Variants in HRG observed in about 807,000 individuals in gnomAD.
The protein encoded by HRG is histidine rich glycoprotein, also known as histidine-rich glycoprotein.
In HRG, 26 loss-of-function variants were observed where a neutral mutation model predicts 29.5. The observed-to-expected ratio is 0.88, with a 90% CI of 0.65 to 1.22. The LOEUF is 1.22. Ranked by LOEUF, HRG falls within the 50% of genes most tolerant of loss-of-function variation. HRG has a pLI of 0.00. For synonymous variants in HRG, 243 were observed against 240.4 expected (o/e 1.01, Z -0.10); for missense variants, 671 against 654.5 (o/e 1.03, Z -0.28).
At chr3:186,669,509 C>T (rs988609755) in intron 2 of HRG, 1 of 344,474 alleles carries the variant, frequency 2.9e-6, no homozygotes, top group Non-Finnish European at 5.6e-6. Context: ...TGCTCAGCAC[C>T]TAGGATATAC....
intron 6 of HRG, among the ~76,000 whole-genome samples, chr3:186,676,097 G>A (rs1019816259): frequency 4.6e-5 from 7 of 151,922 alleles, no homozygotes; most frequent in Non-Finnish European, 1.0e-4. Flanking sequence ...TCAAACTCCT[G>A]ACCTTAGGTG....
rs770991173 is a variant in HRG, at chr3:186,671,644, C to T, written c.413C>T (p.Thr138Ile). The T allele has an allele frequency of 2.5e-6, 4 of 1,614,034 alleles. No homozygotes were observed. The South Asian group carries it at 3.3e-5, about 13-fold the overall frequency. ...CCAGTCTCTTCAGCACTGGCCAATA[C>T]CAAAGATAGTCCGGTCCTCATAGAT... ...TSSVSSALANTKDSPVLIDFF... is the reference protein window; with the variant it reads ...TSSVSSALANIKDSPVLIDFF... The change falls in exon 4 of 7, where the codon ACC becomes ATC. Residue 138 changes from threonine (T) to isoleucine (I), a missense_variant. Transcript: ENST00000232003.
At chr3:186,670,317 C>T (rs904218631) in intron 3 of HRG, among the ~76,000 whole-genome samples, 1 of 152,052 alleles carries the variant, frequency 6.6e-6, no homozygotes, top group African/African-American at 2.4e-5. Flanking sequence ...TAGATATAGG[C>T]TTTGGAGTCA....
intron 3 of HRG, 136 bp from the exon 4 acceptor site, chr3:186,671,487 A>T (rs528308679): frequency 2.2e-5 from 19 of 882,354 alleles, no homozygotes; most frequent in East Asian, 2.0e-4. Context: ...TGGCTGATTG[A>T]TCTTGAAGCA....
chr3:186,666,134 C>A lies in HRG; in HGVS notation c.103C>A (p.Leu35Ile), dbSNP rs749714513. 3.1e-6 allele frequency: 5 copies of A among 1,614,214 alleles called. No individual in the cohort carries two copies. Among genetic ancestry groups the A allele is most frequent in the Non-Finnish European group, 4.2e-6 (5 of 1,180,034 alleles). ...SAVEPEAEKA[L>I]DLINKRRRDG... ...TGTTGAGCCGGAGGCTGAGAAAGCT[C>A]TAGACCTGATCAATAAAAGGCGACG... The change falls in exon 1 of 7, where the codon CTA becomes ATA. Residue 35 changes from leucine (L) to isoleucine (I), a missense_variant. Transcript: ENST00000232003.
At position 186,672,756 on chromosome 3, in the gene HRG, C is replaced by T. The variant is rs201966999; in HGVS notation, c.559-31C>T. 6.1e-5 allele frequency: 89 copies of T among 1,449,096 alleles called. No individual in the cohort carries two copies. In the East Asian group the frequency reaches 1.9e-3, roughly 31 times the overall value. The allele number at this position is 1,449,096 out of a possible 1,614,324, so 89.8% of individuals were successfully genotyped here. On this transcript the variant is annotated intron_variant, in intron 4 of 6. Coordinates refer to ENST00000232003, the MANE Select transcript of HRG (RefSeq NM_000412.5). ...TTTTTTTCCTTTTTCTTTGTCTGTT[C>T]TTGAAACTATTTTGATCCCATCTGT...
In HRG at chr3:186,671,656, CG is replaced by C; in HGVS notation, c.427del (p.Val143SerfsTer3). 4 of 1,613,972 alleles carry C rather than the reference CG, an allele frequency of 2.5e-6. No homozygotes were observed. Among genetic ancestry groups the C allele is most frequent in the Non-Finnish European group, 3.4e-6 (4 of 1,179,902 alleles). ...SSALANTKDSPVLIDFFEDTE... is the reference protein window; with the variant it reads ...SSALANTKDSXVLIDFFEDTE... ...GCACTGGCCAATACCAAAGATAGTC[CG>C]GTCCTCATAGATTTCTTTGAGGATA... On this transcript the variant is annotated frameshift_variant, in exon 4 of 7. Coordinates refer to ENST00000232003, the MANE Select transcript of HRG (RefSeq NM_000412.5). LOFTEE classifies it high-confidence loss of function.
Position 186,677,719 on chromosome 3 carries a change from C to T in HRG, c.1414C>T (p.Leu472Phe). Residue 472 changes from leucine (L) to phenylalanine (F), a missense_variant, in exon 7 of 7, where the codon CTT (leucine) becomes TTT (phenylalanine). Physicochemically the swap from Leu to Phe is conservative, Grantham distance 22 (BLOSUM62 0). Transcript: ENST00000232003. The part of the protein sequence containing the change: ...PPLRKGEVLP[L>F]PEANFPSFPL... ...TCTAAGAAAAGGTGAGGTGCTGCCA[C>T]TTCCTGAGGCCAATTTTCCCAGCTT... 2 of 1,611,424 alleles carry T rather than the reference C, an allele frequency of 1.2e-6. No individual in the cohort carries two copies. The highest frequency in any genetic ancestry group is 1.7e-5 in the Admixed American group (1 of 59,974).
Position 186,671,713 on chromosome 3 carries a change from C to A in HRG, c.482C>A (p.Ala161Asp). 1 of 1,613,924 alleles carries A rather than the reference C, an allele frequency of 6.2e-7. No individual in the cohort carries two copies. Among genetic ancestry groups the A allele is most frequent in the South Asian group, 1.1e-5 (1 of 91,056 alleles). Residue 161 changes from alanine (A) to aspartate (D), a missense_variant, in exon 4 of 7, where the codon GCC (alanine) becomes GAC (aspartate). Transcript: ENST00000232003. ...TERYRKQANK[A>D]LEKYKEENDD... ...CGCTACAGAAAACAAGCCAACAAAG[C>A]CCTTGAGAAGTACAAAGAGGAGAAT...
In HRG at chr3:186,671,786, A is replaced by G; in HGVS notation, c.555A>G (p.Arg185=). Residue 185 remains arginine, a synonymous_variant, in exon 4 of 7, where the codon AGA becomes AGG. Coordinates refer to ENST00000232003, the MANE Select transcript of HRG (RefSeq NM_000412.5). Reference sequence around the variant, plus strand: ...TGGACCGAATCGAGAGAGTTGCAAGAGTGGTGAGTCTCCACTAAGGTTCGG... The same window carrying G: ...TGGACCGAATCGAGAGAGTTGCAAGGGTGGTGAGTCTCCACTAAGGTTCGG... ...FRVDRIERVA[R]VRGGEGTGYF... 6.2e-7 allele frequency: 1 copy of G among 1,613,702 alleles called. No individual in the cohort carries two copies. The highest frequency in any genetic ancestry group is 8.5e-7 in the Non-Finnish European group (1 of 1,179,724).
rs1579082951 is a variant in HRG, at chr3:186,677,502, C to G, written c.1197C>G (p.His399Gln). 6.2e-7 allele frequency: 1 copy of G among 1,601,666 alleles called. No individual in the cohort carries two copies. The highest frequency in any genetic ancestry group is 8.5e-7 in the Non-Finnish European group (1 of 1,173,000). Residue 399 changes from histidine (H) to glutamine (Q), a missense_variant, in exon 7 of 7, where the codon CAC becomes CAG. His to Gln is a conservative substitution (Grantham distance 24). Coordinates refer to ENST00000232003, the MANE Select transcript of HRG (RefSeq NM_000412.5). ...CTCATGGACACCACCCCCATGGACA[C>G]CATCCCCATGGACACCATCCCCACT... ...HHPHGHHPHG[H>Q]HPHGHHPHCH...
intron 4 of HRG, 151 bp downstream of exon 4, chr3:186,671,940 A>C (rs540709644): frequency 3.6e-5 from 26 of 713,334 alleles, no homozygotes; most frequent in Non-Finnish European, 4.8e-5. Context: ...GGCAGCAGGT[A>C]TTTAAAAAAT....
intron 5 of HRG, chr3:186,673,401 C>CA (rs1718870318): frequency 5.0e-6 from 1 of 199,732 alleles, no homozygotes; most frequent in Non-Finnish European, 1.0e-5. Context: ...CGCAAGCCAC[C>CA]ATGCCCAGCC....
chr3:186,669,637 A>G (rs1169072521), intron 2 of HRG: 2 of 429,374 alleles, frequency 4.7e-6, no homozygotes, highest in Non-Finnish European at 8.7e-6. Context: ...CATTTCCAGA[A>G]AATGAGAGGT....
At chr3:186,667,243 A>C (rs1718641461) in intron 1 of HRG, 1 of 152,248 alleles carries the variant, frequency 6.6e-6, no homozygotes, top group African/African-American at 2.4e-5. Flanking sequence ...AGGTCAGAGA[A>C]TGTCTTTATG....
rs1553785481 is a variant in HRG at position 186,675,103 on chromosome 3, C to CAGAGCAGA, written c.655_662dup (p.Asp221GlufsTer9). The CAGAGCAGA allele has an allele frequency of 6.2e-7, 1 of 1,612,772 alleles. No individual in the cohort carries two copies. Among genetic ancestry groups the CAGAGCAGA allele is most frequent in the Non-Finnish European group, 8.5e-7 (1 of 1,178,780 alleles). ...TTCCTTTGTAGGTCTTTGGATTCTG[C>CAGAGCAGA]AGAGCAGATTTGTTCTATGATGTAG... On this transcript the variant is annotated frameshift_variant, in exon 6 of 7. Coordinates refer to ENST00000232003, the MANE Select transcript of HRG (RefSeq NM_000412.5). LOFTEE classifies it high-confidence loss of function.
At chr3:186,673,139 T>C (rs1478190497) in intron 5 of HRG, 7 of 501,896 alleles carry the variant, frequency 1.4e-5, no homozygotes, top group Non-Finnish European at 2.5e-5. Context: ...GTTTCGCTCT[T>C]GTTGCCCAGG....
chr3:186,677,905 A>C lies in HRG; in HGVS notation c.*22A>C. The C allele has an allele frequency of 2.5e-6, 4 of 1,588,366 alleles. 1 individual carries two copies. In the South Asian group the frequency reaches 4.4e-5, roughly 18 times the overall value. On this transcript the variant is annotated 3_prime_UTR_variant, in exon 7 of 7. Transcript: ENST00000232003. ...ATAAAATGTGATTCCTTTGAAGAGG[A>C]AAATGAATAATACATTGAATTAGAA... is the stretch of plus-strand genomic sequence containing the variant.
At position 186,672,795 on chromosome 3, in the gene HRG, G is replaced by A. The variant is rs1282824374; in HGVS notation, c.567G>A (p.Gly189=). 3 of 1,608,030 alleles carry A rather than the reference G, an allele frequency of 1.9e-6. No individual in the cohort carries two copies. The highest frequency in any genetic ancestry group is 8.5e-7 in the Non-Finnish European group (1 of 1,174,682). Residue 189 remains glycine, a synonymous_variant, in exon 5 of 7, where the codon GGG becomes GGA. Coordinates refer to ENST00000232003, the MANE Select transcript of HRG (RefSeq NM_000412.5). ...GATCCCATCTGTTCTAGAGAGGAGG[G>A]GAAGGAACTGGTTACTTCGTGGACT... ...RIERVARVRG[G]EGTGYFVDFS...
Sources: gnomAD v4.1 joint callset for allele counts (sites outside exome capture counted in the v4.1 genomes callset) on GRCh38, gnomAD v4.1.1 for gene constraint, MANE v1.5 for transcripts, NCBI Gene and HGNC (gene_info 2026-07-23, HGNC 2026-07-21) for gene names.